Variants in LRBA observed in about 807,000 individuals in gnomAD.
LRBA encodes lipopolysaccharide-responsive and beige-like anchor protein.
In LRBA, 176 loss-of-function variants were observed where a neutral mutation model predicts 330.0. The ratio of observed to expected loss-of-function variants is 0.53; its 90% CI spans 0.47 to 0.60. The LOEUF is 0.60. Ranked by LOEUF, LRBA falls within the 20% of genes least tolerant of loss-of-function variation. LRBA has a pLI of 0.00. For synonymous variants in LRBA, 1,230 were observed against 1,193.0 expected (o/e 1.03, Z -0.64); for missense variants, 3,259 against 3,444.8 (o/e 0.95, Z 1.35).
chr4:150,953,234 G>T (rs1737055063), intron 2 of LRBA, among the ~76,000 whole-genome samples: 1 of 152,216 alleles, frequency 6.6e-6, no homozygotes, highest in South Asian at 2.1e-4. Context: ...AACAGAAGAG[G>T]TGAACAACAC....
chr4:150,716,170 T>C (rs1005259900), intron 36 of LRBA, among the ~76,000 whole-genome samples: 1 of 152,098 alleles, frequency 6.6e-6, no homozygotes, highest in African/African-American at 2.4e-5. Flanking sequence ...CTAATTGGGC[T>C]GGGCGCAGTG....
intron 40 of LRBA, among the ~76,000 whole-genome samples, chr4:150,575,282 T>C (rs1362672146): frequency 6.6e-6 from 1 of 151,932 alleles, no homozygotes; most frequent in East Asian, 1.9e-4. Flanking sequence ...TTTGTTGTTG[T>C]TGTTTAACCA....
In LRBA at chr4:150,851,816, T is replaced by G; in HGVS notation, c.3825+69A>C. ...ACCAAATTCAAAATAAAATAAAATTTAAGTATATACACTTGCTCTTTTTTA... is the reference window on the plus strand; with the variant it reads ...ACCAAATTCAAAATAAAATAAAATTGAAGTATATACACTTGCTCTTTTTTA... On this transcript the variant is annotated intron_variant, in intron 23 of 56. Transcript: ENST00000651943. 4 of 1,395,912 alleles carry G rather than the reference T, an allele frequency of 2.9e-6. No individual in the cohort carries two copies. In the East Asian group the frequency reaches 1.0e-4, roughly 35 times the overall value. 86.5% of individuals were successfully genotyped at this position (1,395,912 alleles called of 1,614,324 possible).
intron 37 of LRBA, among the ~76,000 whole-genome samples, chr4:150,608,337 C>T (rs868487787): frequency 3.3e-5 from 5 of 152,030 alleles, no homozygotes; most frequent in Admixed American, 6.6e-5. Context: ...AGAGAAGAGT[C>T]TATTGAAAGG....
chr4:150,629,422 T>A (rs75799239), intron 37 of LRBA, among the ~76,000 whole-genome samples: 4,510 of 152,166 alleles, frequency 0.03, 166 homozygotes, highest in East Asian at 0.18. Context: ...GTGGATCACT[T>A]GAGGTCAGGA....
At chr4:150,513,531 G>A (rs1354275121) in intron 40 of LRBA, among the ~76,000 whole-genome samples, 1 of 152,150 alleles carries the variant, frequency 6.6e-6, no homozygotes, top group Non-Finnish European at 1.5e-5. Flanking sequence ...TGTTCATGAT[G>A]CCCTAATAAA....
chr4:150,616,433 C>G (rs888822004), intron 37 of LRBA, among the ~76,000 whole-genome samples: 1 of 151,834 alleles, frequency 6.6e-6, no homozygotes, highest in Non-Finnish European at 1.5e-5. Flanking sequence ...AAGAAGAAAA[C>G]AAGAAAAATA....
intron 33 of LRBA, among the ~76,000 whole-genome samples, chr4:150,802,237 A>C (rs6827466): frequency 0.089 from 13,147 of 147,574 alleles, 1,078 homozygotes; most frequent in African/African-American, 0.23. Context: ...AAAAAAAAAA[A>C]CCACAGTGCA....
At chr4:150,853,054 T>A (rs957055656) in intron 22 of LRBA, 111 bp from the exon 23 acceptor site, 48 of 465,508 alleles carry the variant, frequency 1.0e-4, no homozygotes, top group Non-Finnish European at 3.6e-6. Context: ...ACAATAAAAC[T>A]TAATTTTCCT....
chr4:150,357,590 G>T (rs778420126), intron 47 of LRBA, among the ~76,000 whole-genome samples: 16 of 149,964 alleles, frequency 1.1e-4, no homozygotes, highest in Non-Finnish European at 2.1e-4. Context: ...TAAAATCTAG[G>T]AATTCACAAC....
intron 36 of LRBA, among the ~76,000 whole-genome samples, chr4:150,698,577 T>C (rs555775963): frequency 8.5e-5 from 13 of 152,196 alleles, no homozygotes; most frequent in Non-Finnish European, 1.6e-4. Context: ...AATAGAAATA[T>C]AGTAATAGTA....
chr4:150,944,866 G>C lies in LRBA; in HGVS notation c.217-15801C>G, dbSNP rs575485498. Among the ~76,000 whole-genome samples, 32 of 152,232 alleles carry C rather than the reference G, an allele frequency of 2.1e-4. No homozygotes were observed. In the Middle Eastern group the frequency reaches 0.014, roughly 65 times the overall value. On this transcript the variant is annotated intron_variant, in intron 2 of 56. Transcript: ENST00000651943. Reference sequence around the variant, plus strand: ...GTGGTGGGTAACTGAATCATGGGGTGGGGGGTTCTCATGATAGTGAATAAG... The same window carrying C: ...GTGGTGGGTAACTGAATCATGGGGTCGGGGGTTCTCATGATAGTGAATAAG...
chr4:150,541,486 GTTC>G (rs1472208885), intron 40 of LRBA, among the ~76,000 whole-genome samples: 1 of 151,940 alleles, frequency 6.6e-6, no homozygotes, highest in Non-Finnish European at 1.5e-5. Context: ...ATATATAACA[GTTC>G]TTAAGAACAT....
intron 46 of LRBA, among the ~76,000 whole-genome samples, chr4:150,424,822 T>A (rs1749347016): frequency 6.6e-6 from 1 of 152,258 alleles, no homozygotes; most frequent in Non-Finnish European, 1.5e-5. Flanking sequence ...TCACCAGCGA[T>A]ATAACAAAAC....
chr4:151,010,232 C>G (rs1156700738), intron 2 of LRBA, among the ~76,000 whole-genome samples: 1 of 152,062 alleles, frequency 6.6e-6, no homozygotes, highest in Non-Finnish European at 1.5e-5. Flanking sequence ...TCATGGGAAT[C>G]ACTATTCTTG....
At chr4:150,443,867 T>TAC (rs1752204195) in intron 44 of LRBA, among the ~76,000 whole-genome samples, 1 of 54,192 alleles carries the variant, frequency 1.8e-5, no homozygotes, top group Admixed American at 2.3e-4. Flanking sequence ...TATATATATA[T>TAC]ATATATTTTT....
chr4:150,843,401 T>C (rs1749392294), intron 28 of LRBA, among the ~76,000 whole-genome samples: 1 of 152,214 alleles, frequency 6.6e-6, no homozygotes, highest in Admixed American at 6.5e-5. Flanking sequence ...ATATTCCAAA[T>C]GCTGATGAGT....
chr4:150,426,919 CT>C (rs1182365548), intron 46 of LRBA, among the ~76,000 whole-genome samples: 1 of 151,878 alleles, frequency 6.6e-6, no homozygotes, highest in Non-Finnish European at 1.5e-5. Context: ...ACATTTTTCA[CT>C]TCCATGTTTG....
intron 2 of LRBA, among the ~76,000 whole-genome samples, chr4:150,962,591 C>T (rs1442124900): frequency 6.7e-6 from 1 of 148,888 alleles, no homozygotes; most frequent in Non-Finnish European, 1.5e-5. Flanking sequence ...TAAGAAAAGC[C>T]TTTCTATGTA....
Sources: allele counts gnomAD v4.1 joint callset (sites outside exome capture counted in the v4.1 genomes callset), GRCh38; gene constraint gnomAD v4.1.1; transcripts MANE v1.5; gene names NCBI Gene and HGNC (gene_info 2026-07-23, HGNC 2026-07-21).